The following GMDS variants were observed in gnomAD, a reference collection of about 807,000 sequenced individuals.
GMDS encodes the protein GDP-mannose 4,6 dehydratase.
In GMDS, 20 loss-of-function variants were observed where a neutral mutation model predicts 49.9. That is an observed-to-expected ratio of 0.40 (90% CI 0.28 to 0.58). The LOEUF (loss-of-function observed/expected upper bound fraction) is 0.58. Among genes scored for constraint, GMDS ranks in the 20% least tolerant of loss-of-function variants. The pLI is 0.42. For synonymous variants in GMDS, 177 were observed against 178.6 expected (o/e 0.99, Z 0.07); for missense variants, 362 against 481.4 (o/e 0.75, Z 2.32).
chr6:2,174,099 ACC>A (rs1778151995), intron 1 of GMDS, among the ~76,000 whole-genome samples: 2 of 152,186 alleles, frequency 1.3e-5, no homozygotes, highest in African/African-American at 4.8e-5. Flanking sequence ...TAATCATGTG[ACC>A]TTGGGCGGTC....
chr6:1,871,923 G>A (rs976660733), intron 7 of GMDS, among the ~76,000 whole-genome samples: 1 of 152,220 alleles, frequency 6.6e-6, no homozygotes, highest in African/African-American at 2.4e-5. Context: ...CAGATGTGCT[G>A]GCACTATCCT....
chr6:1,756,320 A>G (rs1015027886), intron 7 of GMDS, among the ~76,000 whole-genome samples: 9 of 151,046 alleles, frequency 6.0e-5, no homozygotes, highest in African/African-American at 1.7e-4. Flanking sequence ...CTGGAGTACA[A>G]TGGCGCAATC....
intron 7 of GMDS, among the ~76,000 whole-genome samples, chr6:1,748,425 A>G (rs1767599973): frequency 6.6e-6 from 1 of 152,078 alleles, no homozygotes; most frequent in Admixed American, 6.6e-5. Context: ...ATATTAATTT[A>G]TATGATTTCC....
intron 9 of GMDS, among the ~76,000 whole-genome samples, chr6:1,643,100 A>G (rs1218139790): frequency 6.6e-6 from 1 of 152,176 alleles, no homozygotes; most frequent in East Asian, 1.9e-4. Context: ...GTCTCCCCAG[A>G]GAAACTGGTG....
intron 4 of GMDS, among the ~76,000 whole-genome samples, chr6:2,011,879 C>T (rs1767583175): frequency 6.6e-6 from 1 of 152,128 alleles, no homozygotes; most frequent in Non-Finnish European, 1.5e-5. Flanking sequence ...TATGATTATG[C>T]CATTGCATTC....
chr6:1,794,806 T>C (rs1266446594), intron 7 of GMDS, among the ~76,000 whole-genome samples: 1 of 152,160 alleles, frequency 6.6e-6, no homozygotes, highest in Non-Finnish European at 1.5e-5. Flanking sequence ...AGGAGACAGA[T>C]GGTCCATTCT....
chr6:2,118,251 G>C (rs1433782155), intron 2 of GMDS, among the ~76,000 whole-genome samples: 3 of 152,162 alleles, frequency 2.0e-5, no homozygotes, highest in African/African-American at 7.2e-5. Context: ...TGATATTGAA[G>C]AAAAGACTAT....
chr6:1,643,513 A>T (rs2113190454), intron 9 of GMDS, among the ~76,000 whole-genome samples: 1 of 152,234 alleles, frequency 6.6e-6, no homozygotes, highest in East Asian at 1.9e-4. Flanking sequence ...GTAGAGTAGG[A>T]TGTGGTTACC....
intron 7 of GMDS, among the ~76,000 whole-genome samples, chr6:1,901,085 A>G (rs1581329559): frequency 1.3e-5 from 2 of 152,228 alleles, no homozygotes; most frequent in East Asian, 3.9e-4. Context: ...GAGCGTAAGC[A>G]GCCCTTGGGT....
chr6:2,007,620 G>T (rs2127389866), intron 4 of GMDS, among the ~76,000 whole-genome samples: 1 of 151,234 alleles, frequency 6.6e-6, no homozygotes, highest in Admixed American at 6.6e-5. Context: ...TACGTTCAGG[G>T]GATACATGTG....
chr6:1,949,312 C>A (rs1224385643), intron 6 of GMDS, among the ~76,000 whole-genome samples: 1 of 152,062 alleles, frequency 6.6e-6, no homozygotes, highest in Non-Finnish European at 1.5e-5. Flanking sequence ...GAGTAAGTGA[C>A]GTGCCCAAAT....
At chr6:1,735,647 C>A (rs1473534720) in intron 8 of GMDS, among the ~76,000 whole-genome samples, 1 of 152,174 alleles carries the variant, frequency 6.6e-6, no homozygotes, top group African/African-American at 2.4e-5. Context: ...TGCCTCCATG[C>A]CTTTTCTCAT....
intron 7 of GMDS, among the ~76,000 whole-genome samples, chr6:1,825,294 A>C (rs1462589070): frequency 6.6e-6 from 1 of 152,220 alleles, no homozygotes; most frequent in Non-Finnish European, 1.5e-5. Context: ...GAAAACATAA[A>C]AATTCTACAA....
At chr6:2,240,166 T>G (rs1781547551) in intron 1 of GMDS, among the ~76,000 whole-genome samples, 2 of 152,386 alleles carry the variant, frequency 1.3e-5, no homozygotes, top group South Asian at 4.1e-4. Flanking sequence ...GGCCTCCCAG[T>G]ACTTTATAGC....
chr6:2,026,556 T>C (rs1047541262), intron 4 of GMDS, among the ~76,000 whole-genome samples: 4 of 152,230 alleles, frequency 2.6e-5, no homozygotes, highest in Non-Finnish European at 4.4e-5. Context: ...TCACTGGCCA[T>C]AGACAGAAAC....
intron 6 of GMDS, among the ~76,000 whole-genome samples, chr6:1,944,298 A>T (rs990397763): frequency 1.2e-4 from 18 of 152,268 alleles, no homozygotes; most frequent in African/African-American, 3.6e-4. Flanking sequence ...CGAGATCAGG[A>T]GTTCGAGACC....
At chr6:2,197,588 T>C (rs1272698332) in intron 1 of GMDS, among the ~76,000 whole-genome samples, 1 of 152,216 alleles carries the variant, frequency 6.6e-6, no homozygotes, top group Non-Finnish European at 1.5e-5. Flanking sequence ...AAGGGAGCAC[T>C]GCACTAGAGA....
intron 7 of GMDS, among the ~76,000 whole-genome samples, chr6:1,824,880 C>G (rs370713871): frequency 6.6e-6 from 1 of 152,098 alleles, no homozygotes; most frequent in African/African-American, 2.4e-5. Flanking sequence ...TGGTACCATA[C>G]GTTTGTTGTT....
intron 9 of GMDS, among the ~76,000 whole-genome samples, chr6:1,657,599 G>A (rs964973616): frequency 6.6e-6 from 1 of 152,102 alleles, no homozygotes; most frequent in Non-Finnish European, 1.5e-5. Context: ...TTATTAACTG[G>A]TGTTCACACG....
Sources: allele counts gnomAD v4.1 joint callset (sites outside exome capture counted in the v4.1 genomes callset), GRCh38; gene constraint gnomAD v4.1.1; transcripts MANE v1.5; gene names NCBI Gene and HGNC (gene_info 2026-07-23, HGNC 2026-07-21).